DCC: variants seen among roughly 807,000 people sequenced by gnomAD.
The protein encoded by DCC is netrin receptor DCC.
Under a neutral mutation model 172.5 loss-of-function variants are expected in DCC, and 58 were observed. That is an observed-to-expected ratio of 0.34 (90% CI 0.27 to 0.42). DCC has a LOEUF of 0.42. Among genes scored for constraint, DCC ranks in the 10% least tolerant of loss-of-function variants. The pLI is 1.00. For missense variants in DCC, 1,740 were observed against 1,791.0 expected, an observed-to-expected ratio of 0.97 and a Z score of 0.51; for synonymous variants, 709 against 644.5, an observed-to-expected ratio of 1.10 and a Z score of -1.52.
At chr18:53,510,519 G>T (rs1236986230) in intron 27 of DCC, among the ~76,000 whole-genome samples, 1 of 152,174 alleles carries the variant, frequency 6.6e-6, no homozygotes. Context: ...GTATGTGTTT[G>T]AGGAGGCTGG....
chr18:52,990,239 A>T (rs1334681988), intron 5 of DCC, among the ~76,000 whole-genome samples: 1 of 152,112 alleles, frequency 6.6e-6, no homozygotes, highest in African/African-American at 2.4e-5. Context: ...GATAGTTAAC[A>T]TTTAAAAAAT....
intron 2 of DCC, among the ~76,000 whole-genome samples, chr18:52,806,454 A>T (rs1313025628): frequency 2.0e-5 from 3 of 152,154 alleles, no homozygotes; most frequent in Admixed American, 6.5e-5. Flanking sequence ...TAGGGTCTTT[A>T]CCTTTTTAGT....
chr18:52,748,954 C>G lies in DCC; in HGVS notation c.92-3100C>G, dbSNP rs145257234. On this transcript the variant is annotated intron_variant, in intron 1 of 28. Coordinates refer to ENST00000442544, the MANE Select transcript of DCC (RefSeq NM_005215.4). Reference sequence around the variant, plus strand: ...GCTCATGCCTGTAATCTCAGCACTTCGGGAGGCTGAGGCAGGTGGAACAAC... The same window carrying G: ...GCTCATGCCTGTAATCTCAGCACTTGGGGAGGCTGAGGCAGGTGGAACAAC... 6.8e-3 allele frequency among the ~76,000 whole-genome samples: 1,038 copies of G among 152,198 alleles called. 6 individuals are homozygous for G. Among genetic ancestry groups the G allele is most frequent in the Non-Finnish European group, 0.011 (778 of 68,000 alleles).
At chr18:53,325,774 T>C (rs927248911) in intron 14 of DCC, among the ~76,000 whole-genome samples, 1 of 152,170 alleles carries the variant, frequency 6.6e-6, no homozygotes, top group Non-Finnish European at 1.5e-5. Flanking sequence ...CAAAATATGG[T>C]TTAAGAATTT....
intron 5 of DCC, among the ~76,000 whole-genome samples, chr18:53,036,910 A>T (rs1435247010): frequency 6.6e-6 from 1 of 152,014 alleles, no homozygotes; most frequent in African/African-American, 2.4e-5. Context: ...GCCCCTTAGA[A>T]AGATAAAGAT....
At position 52,584,549 on chromosome 18, in the gene DCC, G is replaced by GAT. The variant is rs568740068; in HGVS notation, c.92-167501_92-167500dup. On this transcript the variant is annotated intron_variant, in intron 1 of 28. Transcript: ENST00000442544. ...GTGCAGTGGTTTAGACTAACGCACA[G>GAT]ATATACCTCTGTCGATGGACAACTT... Among the ~76,000 whole-genome samples, 87 of 152,250 alleles carry GAT rather than the reference G, an allele frequency of 5.7e-4. 1 individual carries two copies. Among genetic ancestry groups the GAT allele is most frequent in the African/African-American group, 2.1e-3 (86 of 41,542 alleles).
intron 1 of DCC, among the ~76,000 whole-genome samples, chr18:52,345,533 C>T (rs966545473): frequency 5.3e-5 from 8 of 152,152 alleles, no homozygotes; most frequent in African/African-American, 1.9e-4. Context: ...ACACAATGTC[C>T]GGTGAATTTT....
At chr18:52,345,974 T>C (rs1435645542) in intron 1 of DCC, among the ~76,000 whole-genome samples, 1 of 152,202 alleles carries the variant, frequency 6.6e-6, no homozygotes, top group African/African-American at 2.4e-5. Flanking sequence ...CCCAAAATGG[T>C]GTTACCAGGT....
Position 52,503,276 on chromosome 18 carries a change from G to A in DCC, c.91+162398G>A, listed in dbSNP as rs190019309. 2.1e-4 allele frequency among the ~76,000 whole-genome samples: 32 copies of A among 152,212 alleles called. No homozygotes were observed. In the East Asian group the frequency reaches 6.0e-3, roughly 29 times the overall value. On this transcript the variant is annotated intron_variant, in intron 1 of 28. Coordinates refer to ENST00000442544, the MANE Select transcript of DCC (RefSeq NM_005215.4). ...CTAGGACACTCTCGAGAGTAAAAGG[G>A]AGCTAGTAGTCATCACACTGCATGT...
At chr18:52,580,191 A>G (rs2093322169) in intron 1 of DCC, among the ~76,000 whole-genome samples, 1 of 152,208 alleles carries the variant, frequency 6.6e-6, no homozygotes, top group African/African-American at 2.4e-5. Flanking sequence ...TTTTCCTGAC[A>G]TTATGCTTGA....
chr18:52,601,752 T>C (rs1183648241), intron 1 of DCC, among the ~76,000 whole-genome samples: 1 of 152,086 alleles, frequency 6.6e-6, no homozygotes, highest in Admixed American at 6.6e-5. Context: ...TAGATCTTTT[T>C]GCATGCCTAT....
intron 12 of DCC, among the ~76,000 whole-genome samples, chr18:53,294,219 G>T (rs1002394711): frequency 6.6e-6 from 1 of 152,162 alleles, no homozygotes; most frequent in East Asian, 1.9e-4. Context: ...TTTCTTACTG[G>T]TGTAAATGAT....
intron 2 of DCC, among the ~76,000 whole-genome samples, chr18:52,779,787 C>T (rs572724458): frequency 2.6e-4 from 40 of 152,168 alleles, no homozygotes; most frequent in Non-Finnish European, 5.4e-4. Flanking sequence ...AAAAGCATTC[C>T]TATTTCTTCA....
chr18:53,350,368 C>T (rs905680531), intron 15 of DCC, among the ~76,000 whole-genome samples: 1 of 152,092 alleles, frequency 6.6e-6, no homozygotes, highest in East Asian at 1.9e-4. Flanking sequence ...AATATTTTAA[C>T]CATAGTACAT....
At chr18:53,394,729 A>G (rs1043900867) in intron 17 of DCC, among the ~76,000 whole-genome samples, 2 of 152,178 alleles carry the variant, frequency 1.3e-5, no homozygotes, top group African/African-American at 4.8e-5. Context: ...GAAATAATGT[A>G]GTTAAGATTT....
chr18:52,717,448 T>TC (rs1555651530), intron 1 of DCC, among the ~76,000 whole-genome samples: 25 of 145,642 alleles, frequency 1.7e-4, no homozygotes, highest in African/African-American at 3.8e-4. Flanking sequence ...TTTTTTTTTT[T>TC]CCAAAAAAAG....
intron 5 of DCC, among the ~76,000 whole-genome samples, chr18:52,989,286 G>T (rs1387061800): frequency 6.6e-6 from 1 of 152,152 alleles, no homozygotes; most frequent in Admixed American, 6.5e-5. Context: ...ACTTTGGGAG[G>T]CCCAGGCGGG....
chr18:53,104,993 A>G (rs150683634), intron 7 of DCC, among the ~76,000 whole-genome samples: 59 of 152,170 alleles, frequency 3.9e-4, no homozygotes, highest in Non-Finnish European at 6.2e-4. Context: ...GATTATGTAA[A>G]TGCATTCTAG....
intron 1 of DCC, among the ~76,000 whole-genome samples, chr18:52,635,139 A>C (rs1353178590): frequency 6.6e-6 from 1 of 152,210 alleles, no homozygotes; most frequent in Non-Finnish European, 1.5e-5. Context: ...TTTAGAAACT[A>C]TTTTACAACA....
Sources: gnomAD v4.1 joint callset for allele counts (sites outside exome capture counted in the v4.1 genomes callset) on GRCh38, gnomAD v4.1.1 for gene constraint, MANE v1.5 for transcripts, NCBI Gene and HGNC (gene_info 2026-07-23, HGNC 2026-07-21) for gene names.